Variants in NDRG1 observed in about 807,000 individuals in gnomAD.
The protein encoded by NDRG1 is protein NDRG1.
NDRG1 carries 32 observed loss-of-function variants against 56.9 expected under a neutral mutation model. The observed-to-expected ratio is 0.56, with a 90% CI of 0.42 to 0.76. The LOEUF (loss-of-function observed/expected upper bound fraction) is 0.76, where lower values mean the gene tolerates loss of function less well. Ranked by LOEUF, NDRG1 falls within the 30% of genes least tolerant of loss-of-function variation. The pLI, the probability that NDRG1 is intolerant of heterozygous loss-of-function variation, is 0.00. For synonymous variants in NDRG1, 211 were observed against 204.1 expected, an observed-to-expected ratio of 1.03 and a Z score of -0.29; for missense variants, 507 against 545.7, an observed-to-expected ratio of 0.93 and a Z score of 0.71.
At chr8:133,264,203 G>T (rs574232225) in intron 4 of NDRG1, among the ~76,000 whole-genome samples, 1 of 152,168 alleles carries the variant, frequency 6.6e-6, no homozygotes, top group African/African-American at 2.4e-5. Flanking sequence ...AAAGGTACAG[G>T]ATTTTTTGGA....
chr8:133,244,188 T>G (rs1855538051), intron 14 of NDRG1, among the ~76,000 whole-genome samples, 167 bp downstream of exon 14: 1 of 152,100 alleles, frequency 6.6e-6, no homozygotes, highest in African/African-American at 2.4e-5. Flanking sequence ...CAGGGGTTGG[T>G]TCCTAGGGAA....
chr8:133,285,086 C>G (rs1025956201), intron 1 of NDRG1, among the ~76,000 whole-genome samples: 1 of 152,136 alleles, frequency 6.6e-6, no homozygotes, highest in African/African-American at 2.4e-5. Flanking sequence ...GGCTGCAAAA[C>G]CAGACTGAAG....
At chr8:133,245,849 A>G (rs958701762) in intron 13 of NDRG1, among the ~76,000 whole-genome samples, 8 of 152,198 alleles carry the variant, frequency 5.3e-5, no homozygotes, top group Admixed American at 2.6e-4. Context: ...ATCTATGTAA[A>G]GAGCCCAATA....
intron 5 of NDRG1, among the ~76,000 whole-genome samples, chr8:133,261,506 A>G (rs1380717170): frequency 5.3e-5 from 8 of 152,242 alleles, no homozygotes; most frequent in African/African-American, 1.9e-4. Context: ...GGAGCTAACA[A>G]CAGCAGCCAC....
intron 8 of NDRG1, chr8:133,254,945 A>G (rs1170476484): frequency 2.8e-6 from 1 of 359,700 alleles, no homozygotes; most frequent in African/African-American, 2.1e-5. Context: ...CACCTCTTCT[A>G]AAAACACACT....
intron 2 of NDRG1, among the ~76,000 whole-genome samples, chr8:133,281,589 G>A (rs1857806601): frequency 6.6e-6 from 1 of 152,008 alleles, no homozygotes; most frequent in African/African-American, 2.4e-5. Context: ...TGAAAACTGA[G>A]CCCCAGCCTC....
intron 5 of NDRG1, among the ~76,000 whole-genome samples, chr8:133,259,961 T>G (rs1856580618): frequency 6.6e-6 from 1 of 152,102 alleles, no homozygotes; most frequent in Admixed American, 6.5e-5. Context: ...AAGCAGTGTA[T>G]GCGGACGCCC....
At chr8:133,240,870 T>TGGCTGTCTCCAA (rs1378740686) in intron 15 of NDRG1, 1 of 152,216 alleles carries the variant, frequency 6.6e-6, no homozygotes, top group Non-Finnish European at 1.5e-5. Flanking sequence ...GCTGTCTCCA[T>TGGCTGTCTCCAA]GGCTGTCTCC....
intron 13 of NDRG1, among the ~76,000 whole-genome samples, chr8:133,245,240 G>A (rs985423439): frequency 6.6e-6 from 1 of 152,142 alleles, no homozygotes; most frequent in Non-Finnish European, 1.5e-5. Context: ...AGGCCTAAGT[G>A]AGTTCTGTTT....
At position 133,246,495 on chromosome 8, in the gene NDRG1, C is replaced by A. The variant is rs988658206; in HGVS notation, c.855+121G>T. 1.2e-5 allele frequency: 13 copies of A among 1,054,624 alleles called. No individual in the cohort carries two copies. The Admixed American group carries it at 1.4e-4, about 11-fold the overall frequency. 65.3% of individuals were successfully genotyped at this position (1,054,624 alleles called of 1,614,324 possible). A position where few individuals can be genotyped will look rare whatever the true frequency, so the allele number is the denominator to read the frequency against. The stretch of plus-strand genomic sequence containing the variant: ...ATGTTCATAAACAGATAGATTAAAT[C>A]ATTAATTCTATAGTTTCTGATCGTG... On this transcript the variant is annotated intron_variant, in intron 13 of 15. Coordinates refer to ENST00000323851, the MANE Select transcript of NDRG1 (RefSeq NM_006096.4).
chr8:133,245,166 C>T (rs1405409917), intron 13 of NDRG1, among the ~76,000 whole-genome samples: 4 of 152,150 alleles, frequency 2.6e-5, no homozygotes, highest in Admixed American at 1.3e-4. Context: ...GCAGGATGCC[C>T]GAATTTTTCC....
At chr8:133,294,587 G>A (rs1399678137) in intron 1 of NDRG1, among the ~76,000 whole-genome samples, 1 of 151,994 alleles carries the variant, frequency 6.6e-6, no homozygotes, top group African/African-American at 2.4e-5. Flanking sequence ...TTTCTTTCAG[G>A]TCCATGAGGA....
chr8:133,283,681 G>T (rs1857939350), intron 2 of NDRG1, among the ~76,000 whole-genome samples: 1 of 152,240 alleles, frequency 6.6e-6, no homozygotes, highest in Non-Finnish European at 1.5e-5. Flanking sequence ...CATGAGGTAA[G>T]TCCTAATGTC....
intron 1 of NDRG1, among the ~76,000 whole-genome samples, chr8:133,295,894 T>C (rs1210880531): frequency 1.3e-5 from 2 of 152,060 alleles, no homozygotes; most frequent in Non-Finnish European, 2.9e-5. Context: ...AGGGGTGTTC[T>C]TGGATGGGCA....
At chr8:133,265,940 G>C (rs1856897275) in intron 3 of NDRG1, among the ~76,000 whole-genome samples, 1 of 152,266 alleles carries the variant, frequency 6.6e-6, no homozygotes, top group Non-Finnish European at 1.5e-5. Flanking sequence ...TCTGAGAGCA[G>C]TGACCTCCCC....
At chr8:133,280,571 C>T (rs1422135562) in intron 2 of NDRG1, among the ~76,000 whole-genome samples, 6 of 151,858 alleles carry the variant, frequency 4.0e-5, no homozygotes, top group Admixed American at 3.9e-4. Flanking sequence ...CTACAGGTGC[C>T]CGCCACCACG....
At position 133,244,350 on chromosome 8, in the gene NDRG1, C is replaced by T. The variant is rs150968034; in HGVS notation, c.891+5G>A. 6.8e-5 allele frequency: 110 copies of T among 1,614,218 alleles called. No homozygotes were observed. In the African/African-American group the frequency reaches 1.3e-3, roughly 20 times the overall value. ...GTATAATGCAAAAGCCAACATGGCA[C>T]TCACCTGGGAGATCTGCGGGAGGCC... is the stretch of plus-strand genomic sequence containing the variant. On this transcript the variant is annotated splice_donor_5th_base_variant and intron_variant, in intron 14 of 15. Coordinates refer to ENST00000323851, the MANE Select transcript of NDRG1 (RefSeq NM_006096.4).
chr8:133,261,700 A>G (rs903651113), intron 5 of NDRG1, among the ~76,000 whole-genome samples: 1 of 152,108 alleles, frequency 6.6e-6, no homozygotes, highest in African/African-American at 2.4e-5. Flanking sequence ...GGCTGAGCAC[A>G]CCTATCGTAA....
At chr8:133,240,536 T>C (rs951894331) in intron 15 of NDRG1, 2 of 152,214 alleles carry the variant, frequency 1.3e-5, no homozygotes, top group Non-Finnish European at 2.9e-5. Flanking sequence ...ATGAGAAGCG[T>C]ACAGTGAGCA....
Sources: gnomAD v4.1 joint callset for allele counts (sites outside exome capture counted in the v4.1 genomes callset) on GRCh38, gnomAD v4.1.1 for gene constraint, MANE v1.5 for transcripts, NCBI Gene and HGNC (gene_info 2026-07-23, HGNC 2026-07-21) for gene names.